Variants in FHIP1A observed in about 807,000 individuals in gnomAD.
FHIP1A encodes FHF complex subunit HOOK-interacting protein 1A.
A neutral mutation model predicts 88.6 loss-of-function variants in FHIP1A; 61 were observed. The ratio of observed to expected loss-of-function variants is 0.69; its 90% CI spans 0.56 to 0.85. The LOEUF is 0.85. Ranked by LOEUF, FHIP1A falls within the 40% of genes least tolerant of loss-of-function variation. The pLI is 0.00. For synonymous variants in FHIP1A, 478 were observed against 496.0 expected (o/e 0.96, Z 0.48); for missense variants, 1,154 against 1,273.5 (o/e 0.91, Z 1.43).
At chr4:151,412,012 T>C (rs748619984) in intron 1 of FHIP1A, among the ~76,000 whole-genome samples, 21 of 152,234 alleles carry the variant, frequency 1.4e-4, no homozygotes, top group Admixed American at 2.0e-4. Flanking sequence ...AGTGCTTTCA[T>C]GTACCATGTT....
At position 151,642,781 on chromosome 4, in the gene FHIP1A, G is replaced by A. The variant is rs574053705; in HGVS notation, c.1227-3777G>A. 4.0e-5 allele frequency among the ~76,000 whole-genome samples: 6 copies of A among 151,854 alleles called. No homozygotes were observed. The South Asian group carries it at 6.2e-4, about 16-fold the overall frequency. On this transcript the variant is annotated intron_variant, in intron 9 of 13. Coordinates refer to ENST00000435205, the MANE Select transcript of FHIP1A (RefSeq NM_001109977.3). Reference sequence around the variant, plus strand: ...GTGATGATGGTTTAATTTAATGACCGATATCCAAGAAAATAAGAAACAGGC... The same window carrying A: ...GTGATGATGGTTTAATTTAATGACCAATATCCAAGAAAATAAGAAACAGGC...
chr4:151,500,861 G>C (rs1157036377), intron 3 of FHIP1A, among the ~76,000 whole-genome samples: 1 of 152,144 alleles, frequency 6.6e-6, no homozygotes, highest in Non-Finnish European at 1.5e-5. Flanking sequence ...ATATTTTTCA[G>C]ATAGGTTACT....
intron 1 of FHIP1A, among the ~76,000 whole-genome samples, chr4:151,425,490 T>C (rs1201401292): frequency 6.6e-6 from 1 of 152,206 alleles, no homozygotes; most frequent in Non-Finnish European, 1.5e-5. Flanking sequence ...GGATGGTAGA[T>C]AAATTAAGGG....
At chr4:151,649,403 C>A in intron 10 of FHIP1A, 56 bp from the exon 11 acceptor site, 1 of 1,319,924 alleles carries the variant, frequency 7.6e-7, no homozygotes, top group Non-Finnish European at 1.0e-6. Context: ...CAACCCCATC[C>A]ACTACCTTTG....
intron 1 of FHIP1A, among the ~76,000 whole-genome samples, chr4:151,439,941 T>C (rs1038535888): frequency 6.6e-6 from 1 of 152,206 alleles, no homozygotes; most frequent in African/African-American, 2.4e-5. Flanking sequence ...TATCTCCATG[T>C]TGAATGTAAG....
intron 3 of FHIP1A, among the ~76,000 whole-genome samples, chr4:151,499,514 T>C (rs1730574750): frequency 6.6e-6 from 1 of 152,214 alleles, no homozygotes. Flanking sequence ...TTCTGAAATA[T>C]GATTTCGTGA....
chr4:151,597,408 C>T (rs1044589891), intron 7 of FHIP1A, among the ~76,000 whole-genome samples: 12 of 152,146 alleles, frequency 7.9e-5, no homozygotes, highest in African/African-American at 2.9e-4. Context: ...GAAGCTTCGT[C>T]CCAGAGGGTC....
chr4:151,628,099 A>G (rs973792284), intron 7 of FHIP1A, among the ~76,000 whole-genome samples: 3 of 152,182 alleles, frequency 2.0e-5, no homozygotes, highest in Admixed American at 1.3e-4. Context: ...GTTGCTGTAT[A>G]TGGGCCACAG....
At chr4:151,457,385 T>C (rs1729003058) in intron 2 of FHIP1A, among the ~76,000 whole-genome samples, 1 of 152,198 alleles carries the variant, frequency 6.6e-6, no homozygotes, top group South Asian at 2.1e-4. Flanking sequence ...CTTCTGCATG[T>C]AGGGAAGAGC....
intron 1 of FHIP1A, among the ~76,000 whole-genome samples, chr4:151,428,619 CTTTT>C (rs1337599895): frequency 6.6e-6 from 1 of 152,082 alleles, no homozygotes; most frequent in Non-Finnish European, 1.5e-5. Flanking sequence ...CCTTTTGGGG[CTTTT>C]TTGTTTAATC....
At chr4:151,635,941 A>G (rs1324162449) in intron 8 of FHIP1A, among the ~76,000 whole-genome samples, 1 of 151,976 alleles carries the variant, frequency 6.6e-6, no homozygotes, top group Non-Finnish European at 1.5e-5. Flanking sequence ...TCTTTCAAAA[A>G]TTAGAAGAGG....
intron 7 of FHIP1A, among the ~76,000 whole-genome samples, chr4:151,613,102 A>T (rs935373185): frequency 2.0e-5 from 3 of 152,158 alleles, no homozygotes; most frequent in African/African-American, 7.2e-5. Flanking sequence ...CCACTGCTGT[A>T]TTACAATCTT....
At chr4:151,555,120 C>A (rs1313805470) in intron 3 of FHIP1A, among the ~76,000 whole-genome samples, 1 of 152,028 alleles carries the variant, frequency 6.6e-6, no homozygotes, top group Admixed American at 6.6e-5. Flanking sequence ...TTGTTTGATT[C>A]CCCCAGAGGC....
intron 3 of FHIP1A, among the ~76,000 whole-genome samples, chr4:151,503,407 A>T (rs1730718644): frequency 6.6e-6 from 1 of 152,116 alleles, no homozygotes; most frequent in Non-Finnish European, 1.5e-5. Context: ...TAGTGGGCAT[A>T]CTTTAGGTTG....
intron 7 of FHIP1A, among the ~76,000 whole-genome samples, chr4:151,627,204 T>C (rs1254902852): frequency 6.6e-6 from 1 of 152,220 alleles, no homozygotes; most frequent in Non-Finnish European, 1.5e-5. Context: ...ATATAAATGC[T>C]GTCCCTCCAA....
Position 151,650,444 on chromosome 4 carries a change from G to A in FHIP1A, c.2403G>A (p.Lys801=). The change falls in exon 11 of 14, where the codon AAG becomes AAA. Residue 801 remains lysine, a synonymous_variant. Transcript: ENST00000435205. ...AAGGAGAAAAGGAGAAGGAGGGGAA[G>A]AAGGAGCTAGAAGATGAGGAGGATG... ...ESKGEKEKEG[K]KELEDEEDDF... 1.3e-6 allele frequency: 2 copies of A among 1,551,684 alleles called. No individual in the cohort carries two copies. The highest frequency in any genetic ancestry group is 1.7e-6 in the Non-Finnish European group (2 of 1,146,930).
chr4:151,588,933 G>A lies in FHIP1A; in HGVS notation c.978+7G>A. 6 of 1,515,540 alleles carry A rather than the reference G, an allele frequency of 4.0e-6. No individual in the cohort carries two copies. Among genetic ancestry groups the A allele is most frequent in the Non-Finnish European group, 5.4e-6 (6 of 1,114,160 alleles). The allele number at this position is 1,515,540 out of a possible 1,614,324, so 93.9% of individuals were successfully genotyped here. On this transcript the variant is annotated splice_region_variant and intron_variant, in intron 7 of 13. Coordinates refer to ENST00000435205, the MANE Select transcript of FHIP1A (RefSeq NM_001109977.3). Reference sequence around the variant, plus strand: ...GGCTCCTGCTCTCCATAAGGTCAGTGATTGGCTCATGTAATCTTCTGTCTC... The same window carrying A: ...GGCTCCTGCTCTCCATAAGGTCAGTAATTGGCTCATGTAATCTTCTGTCTC...
intron 3 of FHIP1A, among the ~76,000 whole-genome samples, chr4:151,505,200 T>G (rs1280574180): frequency 2.0e-5 from 3 of 152,150 alleles, no homozygotes; most frequent in Non-Finnish European, 1.5e-5. Flanking sequence ...AATGAGATCA[T>G]TTGCTTCTCC....
intron 4 of FHIP1A, among the ~76,000 whole-genome samples, chr4:151,572,939 T>G (rs896513188): frequency 6.6e-6 from 1 of 152,216 alleles, no homozygotes; most frequent in African/African-American, 2.4e-5. Context: ...GCCTTCATTT[T>G]GAAAGCATTT....
Sources: allele counts gnomAD v4.1 joint callset (sites outside exome capture counted in the v4.1 genomes callset), GRCh38; gene constraint gnomAD v4.1.1; transcripts MANE v1.5; gene names NCBI Gene and HGNC (gene_info 2026-07-23, HGNC 2026-07-21).